BRAP: variants seen among roughly 807,000 people sequenced by gnomAD.
The protein encoded by BRAP is BRCA1-associated protein.
Under a neutral mutation model 73.4 loss-of-function variants are expected in BRAP, and 42 were observed. The ratio of observed to expected loss-of-function variants is 0.57; its 90% CI spans 0.45 to 0.74. The LOEUF (loss-of-function observed/expected upper bound fraction) is 0.74. Among genes scored for constraint, BRAP ranks in the 30% least tolerant of loss-of-function variants. The pLI is 0.00. For missense variants in BRAP, 593 were observed against 751.4 expected (o/e 0.79, Z 2.46); for synonymous variants, 255 against 267.4 (o/e 0.95, Z 0.45).
intron 4 of BRAP, among the ~76,000 whole-genome samples, chr12:111,675,649 T>C (rs1328215217): frequency 6.6e-6 from 1 of 151,806 alleles, no homozygotes; most frequent in Non-Finnish European, 1.5e-5. Flanking sequence ...AATGTTTGCA[T>C]TGTGTGGACC....
chr12:111,682,315 T>C (rs982972435), intron 2 of BRAP, among the ~76,000 whole-genome samples: 4 of 151,422 alleles, frequency 2.6e-5, no homozygotes, highest in Non-Finnish European at 4.4e-5. Flanking sequence ...CTGGCTCACA[T>C]GGTGAAACCC....
chr12:111,679,868 C>T (rs749093565), intron 3 of BRAP, among the ~76,000 whole-genome samples: 6 of 76,124 alleles, frequency 7.9e-5, no homozygotes, highest in Non-Finnish European at 1.1e-4. Context: ...CAGAGCAAGA[C>T]TCCATCTCAA....
intron 11 of BRAP, among the ~76,000 whole-genome samples, chr12:111,647,896 A>G (rs1210804605): frequency 2.0e-5 from 3 of 151,854 alleles, no homozygotes; most frequent in Admixed American, 2.0e-4. Flanking sequence ...GTCTCAAAAA[A>G]AAAAAGAAAA....
intron 10 of BRAP, among the ~76,000 whole-genome samples, chr12:111,652,928 C>G (rs954225682): frequency 2.0e-5 from 3 of 152,180 alleles, no homozygotes; most frequent in Non-Finnish European, 4.4e-5. Context: ...CCAGGATGGT[C>G]TCAATCTCTT....
intron 5 of BRAP, among the ~76,000 whole-genome samples, chr12:111,671,253 T>C (rs564975817): frequency 1.3e-5 from 2 of 151,978 alleles, no homozygotes; most frequent in Admixed American, 6.5e-5. Flanking sequence ...CAAATTGCTA[T>C]CAAAACAGAA....
intron 11 of BRAP, among the ~76,000 whole-genome samples, chr12:111,645,609 CA>C (rs1361660236): frequency 1.3e-5 from 2 of 152,092 alleles, no homozygotes; most frequent in Non-Finnish European, 2.9e-5. Flanking sequence ...TTATTCTAAC[CA>C]AAGGGCTTTA....
intron 10 of BRAP, among the ~76,000 whole-genome samples, chr12:111,653,701 G>T (rs992466396): frequency 2.6e-5 from 4 of 152,120 alleles, no homozygotes; most frequent in African/African-American, 9.7e-5. Context: ...TGAAACCCAG[G>T]GTCCGGGTTA....
intron 5 of BRAP, among the ~76,000 whole-genome samples, chr12:111,666,896 C>T (rs1358683340): frequency 1.3e-5 from 2 of 152,164 alleles, no homozygotes; most frequent in African/African-American, 4.8e-5. Context: ...GCAGCCAGCA[C>T]AAAGGATGCC....
chr12:111,683,353 C>CTCTCTGT, intron 1 of BRAP, 46 bp from the exon 2 acceptor site: 1 of 1,540,856 alleles, frequency 6.5e-7, no homozygotes, highest in South Asian at 1.2e-5. Context: ...AAACAAGCTC[C>CTCTCTGT]TCTCTGTTCT....
intron 6 of BRAP, among the ~76,000 whole-genome samples, chr12:111,661,846 G>C (rs796328709): frequency 1.2e-4 from 18 of 151,972 alleles, no homozygotes; most frequent in African/African-American, 4.3e-4. Flanking sequence ...CAAGTAGCTG[G>C]GATTGTAGGC....
intron 6 of BRAP, among the ~76,000 whole-genome samples, chr12:111,664,400 G>T (rs1886862252): frequency 6.6e-6 from 1 of 152,164 alleles, no homozygotes; most frequent in Admixed American, 6.5e-5. Context: ...ATAGCAGATG[G>T]ACTGAAGATA....
intron 5 of BRAP, among the ~76,000 whole-genome samples, chr12:111,666,206 G>A (rs1886936396): frequency 1.3e-5 from 2 of 152,164 alleles, no homozygotes; most frequent in Admixed American, 1.3e-4. Context: ...ACAAAACAAA[G>A]ATCTCTGCCC....
Position 111,685,930 on chromosome 12 carries a change from T to G in BRAP, c.-138A>C. 1 of 466,952 alleles carries G rather than the reference T, an allele frequency of 2.1e-6. No individual in the cohort carries two copies. Among genetic ancestry groups the G allele is most frequent in the Non-Finnish European group, 3.6e-6 (1 of 281,168 alleles). 28.9% of individuals were successfully genotyped at this position (466,952 alleles called of 1,614,324 possible). ...CCGCCGCCTCAGCAGCAGCAGCTCCTCGAACAGCCCTCGGAGCCACAACAA... is the reference window on the plus strand; with the variant it reads ...CCGCCGCCTCAGCAGCAGCAGCTCCGCGAACAGCCCTCGGAGCCACAACAA... On this transcript the variant is annotated 5_prime_UTR_variant, in exon 1 of 12. Transcript: ENST00000419234.
At chr12:111,669,049 A>T (rs1887069141) in intron 5 of BRAP, among the ~76,000 whole-genome samples, 2 of 152,174 alleles carry the variant, frequency 1.3e-5, no homozygotes, top group Non-Finnish European at 2.9e-5. Flanking sequence ...GCCTATAAGG[A>T]AAAAAGCTGC....
intron 9 of BRAP, among the ~76,000 whole-genome samples, chr12:111,658,388 C>A (rs1262425923): frequency 6.6e-6 from 1 of 151,904 alleles, no homozygotes; most frequent in Non-Finnish European, 1.5e-5. Flanking sequence ...GCAACCTCTG[C>A]TTCCCAGGTT....
rs1256465169 is a variant in BRAP, at chr12:111,684,041, G to A, written c.83-734C>T. ...GGTAGTCTTAAACATCCTGGCTTATGCTCATGCCATGAACCAAGCCATGAA... is the reference window on the plus strand; with the variant it reads ...GGTAGTCTTAAACATCCTGGCTTATACTCATGCCATGAACCAAGCCATGAA... On this transcript the variant is annotated intron_variant, in intron 1 of 11. Coordinates refer to ENST00000419234, the MANE Select transcript of BRAP (RefSeq NM_006768.5). Among the ~76,000 whole-genome samples, 9 of 152,098 alleles carry A rather than the reference G, an allele frequency of 5.9e-5. 1 individual carries two copies. In the East Asian group the frequency reaches 1.3e-3, roughly 23 times the overall value.
intron 1 of BRAP, among the ~76,000 whole-genome samples, chr12:111,685,313 G>A (rs1593004662): frequency 1.3e-5 from 2 of 152,324 alleles, no homozygotes; most frequent in East Asian, 3.9e-4. Flanking sequence ...CTATGGTTAG[G>A]GGGCACTTCA....
At chr12:111,669,517 T>C (rs548566301) in intron 5 of BRAP, among the ~76,000 whole-genome samples, 3 of 152,310 alleles carry the variant, frequency 2.0e-5, no homozygotes, top group Non-Finnish European at 2.9e-5. Context: ...TGAGCCACCA[T>C]GCCCGGCTTT....
At chr12:111,677,726 T>G (rs1887439152) in intron 4 of BRAP, among the ~76,000 whole-genome samples, 3 of 152,202 alleles carry the variant, frequency 2.0e-5, no homozygotes, top group African/African-American at 7.2e-5. Flanking sequence ...CTTGGCACCC[T>G]TGGAAGGCTT....
Sources: gnomAD v4.1 joint callset for allele counts (sites outside exome capture counted in the v4.1 genomes callset) on GRCh38, gnomAD v4.1.1 for gene constraint, MANE v1.5 for transcripts, NCBI Gene and HGNC (gene_info 2026-07-23, HGNC 2026-07-21) for gene names.